Variants in CADM1 observed in about 807,000 individuals in gnomAD.
CADM1 encodes the protein cell adhesion molecule 1.
A neutral mutation model predicts 53.1 loss-of-function variants in CADM1; 15 were observed. That is an observed-to-expected ratio of 0.28 (90% CI 0.19 to 0.44). The LOEUF is 0.44. Among genes scored for constraint, CADM1 ranks in the 20% least tolerant of loss-of-function variants. The probability of loss-of-function intolerance (pLI) is 1.00; values close to 1 mark genes in which losing one functional copy is unlikely to be tolerated. For synonymous variants in CADM1, 281 were observed against 243.0 expected, an observed-to-expected ratio of 1.16 and a Z score of -1.45; for missense variants, 434 against 611.3, an observed-to-expected ratio of 0.71 and a Z score of 3.06.
At chr11:115,310,267 TAATTA>T (rs1944496659) in intron 1 of CADM1, among the ~76,000 whole-genome samples, 1 of 152,156 alleles carries the variant, frequency 6.6e-6, no homozygotes, top group South Asian at 2.1e-4. Context: ...TGACAGTTTT[TAATTA>T]AATTATATTG....
Position 115,225,231 on chromosome 11 carries a change from A to C in CADM1, c.721+3882T>G, listed in dbSNP as rs1388517796. Among the ~76,000 whole-genome samples the C allele has an allele frequency of 2.0e-5, 3 of 152,038 alleles. No individual in the cohort carries two copies. The East Asian group carries it at 5.8e-4, about 29-fold the overall frequency. ...CGAGCACCCAACAGGGAAATGTCACAAACAAGAGCGGCTAATGCCCCAGAA... is the reference window on the plus strand; with the variant it reads ...CGAGCACCCAACAGGGAAATGTCACCAACAAGAGCGGCTAATGCCCCAGAA... On this transcript the variant is annotated intron_variant, in intron 5 of 11. Transcript: ENST00000331581.
At chr11:115,259,035 G>T (rs1942882090) in intron 1 of CADM1, among the ~76,000 whole-genome samples, 1 of 152,022 alleles carries the variant, frequency 6.6e-6, no homozygotes, top group African/African-American at 2.4e-5. Flanking sequence ...ACCATGGCTG[G>T]AGTACAGTGG....
Position 115,488,665 on chromosome 11 carries a change from A to G in CADM1, c.124+15606T>C, listed in dbSNP as rs561507113. Among the ~76,000 whole-genome samples, 8 of 152,358 alleles carry G rather than the reference A, an allele frequency of 5.3e-5. No individual in the cohort carries two copies. The South Asian group carries it at 1.7e-3, about 32-fold the overall frequency. On this transcript the variant is annotated intron_variant, in intron 1 of 11. Coordinates refer to ENST00000331581, the MANE Select transcript of CADM1 (RefSeq NM_001301043.2). ...ACACATGAAATCTCTCCCCTCTTCT[A>G]CACAAGACCAAAAGGAAACCTACTT... is the stretch of plus-strand genomic sequence containing the variant.
Position 115,458,520 on chromosome 11 carries a change from T to TATTATC in CADM1, c.124+45750_124+45751insGATAAT, listed in dbSNP as rs1420096196. Among the ~76,000 whole-genome samples, 20 of 148,620 alleles carry TATTATC rather than the reference T, an allele frequency of 1.3e-4. No homozygotes were observed. In the East Asian group the frequency reaches 3.7e-3, roughly 28 times the overall value. On this transcript the variant is annotated intron_variant, in intron 1 of 11. Transcript: ENST00000331581. Reference sequence around the variant, plus strand: ...TTATTATTATTATTATTATTATTATTATTATTATTATTACATTATACCCTG... The same window carrying TATTATC: ...TTATTATTATTATTATTATTATTATTATTATCATTATTATTATTACATTATACCCTG...
At chr11:115,375,906 T>G (rs757447234) in intron 1 of CADM1, among the ~76,000 whole-genome samples, 17 of 152,188 alleles carry the variant, frequency 1.1e-4, no homozygotes, top group Non-Finnish European at 2.1e-4. Flanking sequence ...CTGTCCAGCA[T>G]ATATTTATTG....
intron 1 of CADM1, among the ~76,000 whole-genome samples, chr11:115,282,838 G>A (rs1943624938): frequency 1.3e-5 from 2 of 152,324 alleles, no homozygotes; most frequent in Admixed American, 6.5e-5. Flanking sequence ...TATAAATGGG[G>A]ACATGCTTAT....
At chr11:115,479,421 A>G (rs1282962988) in intron 1 of CADM1, among the ~76,000 whole-genome samples, 1 of 152,154 alleles carries the variant, frequency 6.6e-6, no homozygotes, top group Non-Finnish European at 1.5e-5. Context: ...GTCTTCCAAA[A>G]AAAGAAAAAC....
At chr11:115,260,557 A>T (rs902554852) in intron 1 of CADM1, among the ~76,000 whole-genome samples, 5 of 152,266 alleles carry the variant, frequency 3.3e-5, no homozygotes, top group Admixed American at 1.3e-4. Context: ...ACATTAGGTC[A>T]AATGGCTACA....
At chr11:115,230,914 T>C (rs11215434) in intron 4 of CADM1, among the ~76,000 whole-genome samples, 8,771 of 152,334 alleles carry the variant, frequency 0.058, 366 homozygotes, top group Admixed American at 0.14. Flanking sequence ...ATTTACCATA[T>C]GAAAGACTGT....
intron 1 of CADM1, among the ~76,000 whole-genome samples, chr11:115,317,983 T>TACACACACAC (rs35753948): frequency 1.2e-3 from 182 of 149,190 alleles, no homozygotes; most frequent in African/African-American, 4.1e-3. Flanking sequence ...TATTACACAC[T>TACACACACAC]ACACACACAC....
chr11:115,203,574 A>G (rs935008022), intron 8 of CADM1, among the ~76,000 whole-genome samples: 1 of 152,218 alleles, frequency 6.6e-6, no homozygotes, highest in African/African-American at 2.4e-5. Flanking sequence ...CTGTATTCAC[A>G]GTATTATTTG....
intron 6 of CADM1, among the ~76,000 whole-genome samples, chr11:115,216,316 C>T (rs1472885306): frequency 6.6e-6 from 1 of 152,196 alleles, no homozygotes; most frequent in Non-Finnish European, 1.5e-5. Context: ...CTGAAGGAAA[C>T]ATGTAATTTA....
At chr11:115,202,530 A>G (rs1940483200) in intron 8 of CADM1, among the ~76,000 whole-genome samples, 1 of 152,240 alleles carries the variant, frequency 6.6e-6, no homozygotes, top group Non-Finnish European at 1.5e-5. Flanking sequence ...TGTACATTAA[A>G]AAAATGCACG....
chr11:115,176,054 A>C lies in CADM1; in HGVS notation c.*420T>G. ...AAAAGGGAAGGAAAAGAGTCTAAGG[A>C]ATCCCAGCAGGCAAATTCCAAAATG... is the stretch of plus-strand genomic sequence containing the variant. On this transcript the variant is annotated 3_prime_UTR_variant, in exon 12 of 12. Transcript: ENST00000331581. 9.2e-7 allele frequency: 1 copy of C among 1,087,164 alleles called. No individual in the cohort carries two copies. The highest frequency in any genetic ancestry group is 2.7e-5 in the South Asian group (1 of 37,702). The allele number at this position is 1,087,164 out of a possible 1,614,324, so 67.3% of individuals were successfully genotyped here.
chr11:115,227,190 C>G (rs538255252), intron 5 of CADM1, among the ~76,000 whole-genome samples: 28 of 152,294 alleles, frequency 1.8e-4, no homozygotes, highest in African/African-American at 6.5e-4. Flanking sequence ...ATTAGAGTCA[C>G]TTTCCTGCAA....
At chr11:115,188,305 C>G (rs1939674880) in intron 10 of CADM1, among the ~76,000 whole-genome samples, 1 of 151,960 alleles carries the variant, frequency 6.6e-6, no homozygotes, top group South Asian at 2.1e-4. Flanking sequence ...AAGTTAACAC[C>G]CAAAAAGTAA....
Position 115,176,141 on chromosome 11 carries a change from G to T in CADM1, c.*333C>A. ...GAGGAAATAAATGTGCACAAAGGGG[G>T]AAAAGAAAGGAACGCAACAAACAAA... On this transcript the variant is annotated 3_prime_UTR_variant, in exon 12 of 12. Transcript: ENST00000331581. 8.6e-7 allele frequency: 1 copy of T among 1,158,580 alleles called. No homozygotes were observed. The highest frequency in any genetic ancestry group is 4.1e-5 in the Admixed American group (1 of 24,360). The allele number at this position is 1,158,580 out of a possible 1,614,324, so 71.8% of individuals were successfully genotyped here.
chr11:115,224,454 T>A (rs1192024440), intron 5 of CADM1, among the ~76,000 whole-genome samples: 1 of 152,122 alleles, frequency 6.6e-6, no homozygotes, highest in Non-Finnish European at 1.5e-5. Flanking sequence ...AAGCACCCAT[T>A]TCTAGAGTCT....
At chr11:115,367,804 T>C (rs1219300637) in intron 1 of CADM1, among the ~76,000 whole-genome samples, 2 of 152,112 alleles carry the variant, frequency 1.3e-5, no homozygotes, top group Non-Finnish European at 2.9e-5. Flanking sequence ...CAGAAGTAGA[T>C]ACTTTATATA....
Sources: gnomAD v4.1 joint callset for allele counts (sites outside exome capture counted in the v4.1 genomes callset) on GRCh38, gnomAD v4.1.1 for gene constraint, MANE v1.5 for transcripts, NCBI Gene and HGNC (gene_info 2026-07-23, HGNC 2026-07-21) for gene names.